LGALS8: variants seen among roughly 807,000 people sequenced by gnomAD.
LGALS8 encodes galectin-8.
LGALS8 carries 30 observed loss-of-function variants against 35.9 expected under a neutral mutation model. That is an observed-to-expected ratio of 0.83 (90% confidence interval 0.62 to 1.13). The LOEUF (loss-of-function observed/expected upper bound fraction) is 1.13, where lower values mean the gene tolerates loss of function less well. LGALS8 is among the 50% of genes most tolerant of loss of function. LGALS8 has a pLI of 0.00. For synonymous variants in LGALS8, 138 were observed against 136.1 expected, an observed-to-expected ratio of 1.01 and a Z score of -0.10; for missense variants, 366 against 388.7, an observed-to-expected ratio of 0.94 and a Z score of 0.49.
chr1:236,530,964 T>C (rs1465542122), intron 2 of LGALS8, among the ~76,000 whole-genome samples: 2 of 152,228 alleles, frequency 1.3e-5, no homozygotes, highest in Non-Finnish European at 1.5e-5. Flanking sequence ...CTTATGAATA[T>C]CCAAAAGTGT....
At chr1:236,537,651 C>T in intron 3 of LGALS8, 66 bp downstream of exon 3, 1 of 1,155,008 alleles carries the variant, frequency 8.7e-7, no homozygotes, top group South Asian at 1.2e-5. Context: ...GGAATGATAA[C>T]AGAGTAAGGC....
chr1:236,527,394 C>T (rs1432080783), intron 2 of LGALS8, among the ~76,000 whole-genome samples: 1 of 152,162 alleles, frequency 6.6e-6, no homozygotes, highest in East Asian at 1.9e-4. Context: ...AGTAGTTCTG[C>T]GCTAGAGCAG....
intron 5 of LGALS8, 23 bp downstream of exon 5, chr1:236,540,706 G>C (rs1661936380): frequency 6.3e-7 from 1 of 1,583,106 alleles, no homozygotes; most frequent in Non-Finnish European, 8.6e-7. Context: ...CCACAGCTTG[G>C]GGTCTTTTAT....
chr1:236,538,372 A>G (rs1303849691), intron 3 of LGALS8, among the ~76,000 whole-genome samples: 30 of 152,206 alleles, frequency 2.0e-4, no homozygotes, highest in Non-Finnish European at 2.1e-4. Flanking sequence ...TCGTTAGAGA[A>G]GTAGACTCCT....
chr1:236,548,089 T>TAAAG lies in LGALS8; in HGVS notation c.884_887dup (p.Leu297ArgfsTer6). 1 of 1,613,888 alleles carries TAAAG rather than the reference T, an allele frequency of 6.2e-7. No homozygotes were observed. Among genetic ancestry groups the TAAAG allele is most frequent in the Non-Finnish European group, 8.5e-7 (1 of 1,179,782 alleles). Reference sequence around the variant, plus strand: ...ACAGCCTGGAGTACAAACACAGATTTAAAGAGCTCAGCAGTATTGACACGC... The same window carrying TAAAG: ...ACAGCCTGGAGTACAAACACAGATTTAAAGAAAGAGCTCAGCAGTATTGACACGC... On this transcript the variant is annotated frameshift_variant, in exon 10 of 10. Coordinates refer to ENST00000366584, the MANE Select transcript of LGALS8 (RefSeq NM_201544.4). LOFTEE classifies it high-confidence loss of function.
intron 9 of LGALS8, among the ~76,000 whole-genome samples, chr1:236,545,836 G>A (rs1662329667): frequency 1.3e-5 from 2 of 152,238 alleles, no homozygotes; most frequent in African/African-American, 4.8e-5. Flanking sequence ...GCTGAAGGTT[G>A]GCTTTTCTAG....
chr1:236,537,022 T>TTTTTTTTG lies in LGALS8; in HGVS notation c.46-468_46-467insGTTTTTTT, dbSNP rs1491328464. Among the ~76,000 whole-genome samples, 12 of 19,138 alleles carry TTTTTTTTG rather than the reference T, an allele frequency of 6.3e-4. 2 individuals carry two copies. Among genetic ancestry groups the TTTTTTTTG allele is most frequent in the Non-Finnish European group, 1.7e-3 (10 of 5,812 alleles). The allele number at this position is 19,138 out of a possible 152,430, so 12.6% of individuals were successfully genotyped here. ...TCCTGGCCATGAGGTATGCAGTTCC[T>TTTTTTTTG]TTTTTTTTTTTTGAGACGGAGCCTT... On this transcript the variant is annotated intron_variant, in intron 2 of 9. Transcript: ENST00000366584.
chr1:236,546,785 G>A (rs1662389931), intron 9 of LGALS8, among the ~76,000 whole-genome samples: 1 of 152,226 alleles, frequency 6.6e-6, no homozygotes, highest in East Asian at 1.9e-4. Context: ...CAGGCTGTGT[G>A]TTTTGTGTTT....
rs1232667557 is a variant in LGALS8 at position 236,552,048 on chromosome 1, A to G, written c.*3887A>G. The G allele has an allele frequency of 9.9e-6, 16 of 1,613,720 alleles. No homozygotes were observed. The highest frequency in any genetic ancestry group is 2.2e-5 in the South Asian group (2 of 91,086). On this transcript the variant is annotated 3_prime_UTR_variant, in exon 10 of 10. Coordinates refer to ENST00000366584, the MANE Select transcript of LGALS8 (RefSeq NM_201544.4). ...GAATGGATTCTGGTAGCAAGACAAT[A>G]TAATTCTCCTTTAGTTTTTCAGCCA... is the stretch of plus-strand genomic sequence containing the variant.
chr1:236,540,716 T>C (rs199654516), intron 5 of LGALS8, 33 bp downstream of exon 5: 1 of 1,573,028 alleles, frequency 6.4e-7, no homozygotes, highest in African/African-American at 1.4e-5. Context: ...GGGTCTTTTA[T>C]GAGGATGGTT....
chr1:236,547,997 A>T lies in LGALS8; in HGVS notation c.805-15A>T, dbSNP rs2254823. On this transcript the variant is annotated splice_polypyrimidine_tract_variant and intron_variant, in intron 9 of 9. Coordinates refer to ENST00000366584, the MANE Select transcript of LGALS8 (RefSeq NM_201544.4). Reference sequence around the variant, plus strand: ...CTAAGGGGAACCACTAATGGCATGTATCCTTTCCTTTCAGATGATAATTTA... The same window carrying T: ...CTAAGGGGAACCACTAATGGCATGTTTCCTTTCCTTTCAGATGATAATTTA... 1,054,738 of 1,597,512 alleles carry T rather than the reference A, an allele frequency of 0.66. 354,671 individuals are homozygous for T. The highest frequency in any genetic ancestry group is 0.7 in the Non-Finnish European group (813,065 of 1,166,346).
At chr1:236,542,524 G>T in intron 6 of LGALS8, 1 of 561,474 alleles carries the variant, frequency 1.8e-6, no homozygotes, top group Non-Finnish European at 3.2e-6. Flanking sequence ...TTAATTTATG[G>T]TGGAGGATAA....
At chr1:236,545,478 C>A (rs1662305209) in intron 9 of LGALS8, among the ~76,000 whole-genome samples, 1 of 152,222 alleles carries the variant, frequency 6.6e-6, no homozygotes, top group Non-Finnish European at 1.5e-5. Flanking sequence ...AGAATAGTCT[C>A]CTTGTGATGC....
upstream of LGALS8, among the ~76,000 whole-genome samples, chr1:236,521,558 G>GTGGC (rs1660550204): frequency 6.6e-6 from 1 of 152,154 alleles, no homozygotes; most frequent in Non-Finnish European, 1.5e-5. Flanking sequence ...GCCGGATGCA[G>GTGGC]TGGCTCACAC....
At chr1:236,534,291 C>A (rs1345378663) in intron 2 of LGALS8, among the ~76,000 whole-genome samples, 2 of 152,130 alleles carry the variant, frequency 1.3e-5, no homozygotes, top group African/African-American at 4.8e-5. Context: ...GGGTGTCTGA[C>A]TCTTAGGCTT....
upstream of LGALS8, among the ~76,000 whole-genome samples, chr1:236,520,042 G>A (rs1660508673): frequency 6.9e-6 from 1 of 144,144 alleles, no homozygotes; most frequent in Admixed American, 7.3e-5. Context: ...CTGCAACCTC[G>A]GCCTTCTGGG....
Position 236,548,280 on chromosome 1 carries a change from C to A in LGALS8, c.*119C>A. Reference sequence around the variant, plus strand: ...ATATTGTTAAAATGAGCTTGTGCACCATTAGGTCCTGCTGGGTGTTCTCAG... The same window carrying A: ...ATATTGTTAAAATGAGCTTGTGCACAATTAGGTCCTGCTGGGTGTTCTCAG... On this transcript the variant is annotated 3_prime_UTR_variant, in exon 10 of 10. Transcript: ENST00000366584. 1.0e-6 allele frequency: 1 copy of A among 967,472 alleles called. No individual in the cohort carries two copies. The highest frequency in any genetic ancestry group is 1.5e-6 in the Non-Finnish European group (1 of 646,780). The allele number at this position is 967,472 out of a possible 1,614,324, so 59.9% of individuals were successfully genotyped here.
In LGALS8 at chr1:236,526,096, A is replaced by C. The variant is rs1164808877; in HGVS notation, c.26A>C (p.Gln9Pro). 9.9e-6 allele frequency: 16 copies of C among 1,611,860 alleles called. No individual in the cohort carries two copies. The highest frequency in any genetic ancestry group is 1.4e-5 in the Non-Finnish European group (16 of 1,178,246). The change falls in exon 2 of 10, where the codon CAG (glutamine) becomes CCG (proline). Residue 9 changes from glutamine to proline, a missense_variant. Transcript: ENST00000366584. This position sits in a 1 kb window ranked among gnomAD's most constrained non-coding sequence, Gnocchi z 4.6. ...ATGATGTTGTCCTTAAACAACCTAC[A>C]GAATATCATCTATAACCCGGTAACT... Reference protein sequence around the residue: MMLSLNNLQNIIYNPVIPF... With the variant: MMLSLNNLPNIIYNPVIPF...
chr1:236,546,598 T>C (rs1489750684), intron 9 of LGALS8, among the ~76,000 whole-genome samples: 2 of 152,234 alleles, frequency 1.3e-5, no homozygotes, highest in African/African-American at 4.8e-5. Context: ...TTGTTCTGTT[T>C]TCTTCTAGGC....
Sources: allele counts gnomAD v4.1 joint callset (sites outside exome capture counted in the v4.1 genomes callset), GRCh38; gene constraint gnomAD v4.1.1; non-coding constraint Gnocchi (gnomAD v3.1); transcripts MANE v1.5; gene names NCBI Gene and HGNC (gene_info 2026-07-23, HGNC 2026-07-21).